The following NAALADL2 variants were observed in gnomAD, a reference collection of about 807,000 sequenced individuals.
The protein encoded by NAALADL2 is inactive N-acetylated-alpha-linked acidic dipeptidase-like protein 2.
In NAALADL2, 76 loss-of-function variants were observed where a neutral mutation model predicts 87.2. That is an observed-to-expected ratio of 0.87 (90% CI 0.72 to 1.05). The LOEUF is 1.05. Among genes scored for constraint, NAALADL2 ranks in the 50% least tolerant of loss-of-function variants. NAALADL2 has a pLI of 0.00. For missense variants in NAALADL2, 1,089 were observed against 945.8 expected, an observed-to-expected ratio of 1.15 and a Z score of -1.99; for synonymous variants, 354 against 331.0, an observed-to-expected ratio of 1.07 and a Z score of -0.75.
chr3:174,882,099 GT>G (rs910971840), intron 1 of NAALADL2, among the ~76,000 whole-genome samples: 8 of 151,982 alleles, frequency 5.3e-5, no homozygotes, highest in African/African-American at 1.7e-4. Flanking sequence ...TGTATTTAAG[GT>G]GTTACAGAAC....
chr3:175,146,772 T>C (rs1042739164), intron 2 of NAALADL2, among the ~76,000 whole-genome samples: 22 of 152,160 alleles, frequency 1.4e-4, no homozygotes, highest in African/African-American at 5.1e-4. Flanking sequence ...TTGCCTTCCA[T>C]GTGTGAAATT....
intron 5 of NAALADL2, among the ~76,000 whole-genome samples, chr3:175,433,694 C>CT (rs1032608650): frequency 1.1e-4 from 16 of 150,612 alleles, no homozygotes; most frequent in Non-Finnish European, 1.0e-4. Flanking sequence ...TATCCCTAGC[C>CT]TTTTTTTTTC....
chr3:175,162,161 G>C (rs1733322796), intron 2 of NAALADL2, among the ~76,000 whole-genome samples: 1 of 152,050 alleles, frequency 6.6e-6, no homozygotes, highest in South Asian at 2.1e-4. Context: ...TTGGGTAAAA[G>C]GCTATTAAAT....
In NAALADL2 at chr3:175,372,030, A is replaced by T. The variant is rs945155152; in HGVS notation, c.1090+47705A>T. Among the ~76,000 whole-genome samples, 14 of 152,098 alleles carry T rather than the reference A, an allele frequency of 9.2e-5. 1 individual carries two copies. Among genetic ancestry groups the T allele is most frequent in the Admixed American group, 8.5e-4 (13 of 15,258 alleles). On this transcript the variant is annotated intron_variant, in intron 5 of 13. Transcript: ENST00000454872. The stretch of plus-strand genomic sequence containing the variant: ...CCATAACATGAAATAGACAAATATA[A>T]TTACTCTAAAAAAAGTCCAGCCATA...
chr3:175,519,813 C>T (rs1390451676), intron 9 of NAALADL2, among the ~76,000 whole-genome samples: 1 of 152,172 alleles, frequency 6.6e-6, no homozygotes, highest in Non-Finnish European at 1.5e-5. Context: ...TGGTTACTGT[C>T]AGTACAGTTA....
intron 9 of NAALADL2, among the ~76,000 whole-genome samples, chr3:175,546,397 T>G (rs1713333508): frequency 6.6e-6 from 1 of 152,106 alleles, no homozygotes; most frequent in Non-Finnish European, 1.5e-5. Flanking sequence ...ACATTTAAGA[T>G]TAATGTTGAT....
intron 5 of NAALADL2, among the ~76,000 whole-genome samples, chr3:175,414,264 T>G (rs1426183602): frequency 1.3e-5 from 2 of 152,214 alleles, no homozygotes; most frequent in African/African-American, 4.8e-5. Flanking sequence ...GGAGCCAGAA[T>G]CTTTGTCAAT....
intron 9 of NAALADL2, among the ~76,000 whole-genome samples, chr3:175,529,191 G>C (rs1197265409): frequency 6.6e-6 from 1 of 152,186 alleles, no homozygotes; most frequent in Non-Finnish European, 1.5e-5. Context: ...GTAGTAGACT[G>C]ATTTCATCTT....
At chr3:174,748,294 C>T (rs1025944311) in intron 3 of NAALADL2, among the ~76,000 whole-genome samples, 5 of 151,378 alleles carry the variant, frequency 3.3e-5, no homozygotes, top group African/African-American at 4.9e-5. Flanking sequence ...GTATGTCCTG[C>T]ACATGTATGC....
At chr3:174,842,689 A>G (rs952305295) in intron 3 of NAALADL2, among the ~76,000 whole-genome samples, 1 of 152,166 alleles carries the variant, frequency 6.6e-6, no homozygotes, top group Admixed American at 6.5e-5. Flanking sequence ...TTTCACTTCT[A>G]CTTGACATCC....
At chr3:175,676,889 G>C (rs1734858567) in intron 11 of NAALADL2, 1 of 152,218 alleles carries the variant, frequency 6.6e-6, no homozygotes, top group Non-Finnish European at 1.5e-5. Context: ...AAGTGCTTCA[G>C]TAACAGTGAA....
At chr3:175,219,237 G>T (rs1439108294) in intron 2 of NAALADL2, among the ~76,000 whole-genome samples, 1 of 151,996 alleles carries the variant, frequency 6.6e-6, no homozygotes, top group Non-Finnish European at 1.5e-5. Context: ...GTTTTAGTTT[G>T]AGTTTTATGG....
chr3:174,508,123 T>TTTTTGTTTTTTTTTG (rs1560021028), intron 1 of NAALADL2, among the ~76,000 whole-genome samples: 1 of 142,856 alleles, frequency 7.0e-6, no homozygotes, highest in African/African-American at 2.6e-5. Context: ...GGTTTTTTTT[T>TTTTTGTTTTTTTTTG]TTTTTTTTGA....
chr3:174,806,620 G>T (rs959387325), intron 3 of NAALADL2, among the ~76,000 whole-genome samples: 3 of 152,164 alleles, frequency 2.0e-5, no homozygotes, highest in Non-Finnish European at 4.4e-5. Context: ...GCAAAACAGA[G>T]ATTTGTCCAG....
intron 4 of NAALADL2, among the ~76,000 whole-genome samples, chr3:175,314,692 A>ATATATATATATATATATAGTTCTAAC (rs1758875945): frequency 1.5e-5 from 1 of 68,338 alleles, no homozygotes; most frequent in African/African-American, 6.0e-5. Flanking sequence ...ATATATATAT[A>ATATATATATATATATATAGTTCTAAC]TATATATATA....
intron 1 of NAALADL2, among the ~76,000 whole-genome samples, chr3:174,930,960 A>G (rs972740347): frequency 2.0e-5 from 3 of 151,914 alleles, no homozygotes; most frequent in African/African-American, 7.3e-5. Flanking sequence ...TATATCCCAT[A>G]TTATGATTGA....
intron 3 of NAALADL2, among the ~76,000 whole-genome samples, chr3:174,840,846 A>G (rs758597249): frequency 7.2e-5 from 11 of 152,156 alleles, no homozygotes; most frequent in Non-Finnish European, 1.3e-4. Context: ...TGCTTGGGGG[A>G]AGGCTGGATA....
At chr3:175,199,854 ATATATATATATTTTTTTTTTTTT>A (rs1211795161) in intron 2 of NAALADL2, among the ~76,000 whole-genome samples, 8 of 18,924 alleles carry the variant, frequency 4.2e-4, no homozygotes, top group African/African-American at 1.6e-3. Context: ...ATATATATAT[ATATATATATATTTTTTTTTTTTT>A]TTTTTTTTTT....
Position 175,324,028 on chromosome 3 carries a change from C to CAAAAAAA in NAALADL2, c.940-138_940-132dup, listed in dbSNP as rs372517580. 1.8e-3 allele frequency: 774 copies of CAAAAAAA among 434,144 alleles called. 1 individual carries two copies. The highest frequency in any genetic ancestry group is 5.1e-3 in the African/African-American group (158 of 31,142). The allele number at this position is 434,144 out of a possible 1,614,324, so 26.9% of individuals were successfully genotyped here. A position where few individuals can be genotyped will look rare whatever the true frequency, so the allele number is the denominator to read the frequency against. ...GCGAGACTCCATCTCAAAAAACAAA[C>CAAAAAAA]AAAAAAAAAAAAAAAGAAAAAGAAA... On this transcript the variant is annotated intron_variant, in intron 4 of 13. Coordinates refer to ENST00000454872, the MANE Select transcript of NAALADL2 (RefSeq NM_207015.3).
Sources: allele counts gnomAD v4.1 joint callset (sites outside exome capture counted in the v4.1 genomes callset), GRCh38; gene constraint gnomAD v4.1.1; transcripts MANE v1.5; gene names NCBI Gene and HGNC (gene_info 2026-07-23, HGNC 2026-07-21).